Variants in CDK11A observed in about 807,000 individuals in gnomAD.
CDK11A encodes the protein cyclin-dependent kinase 11A.
CDK11A carries 55 observed loss-of-function variants against 83.6 expected under a neutral mutation model. The ratio of observed to expected loss-of-function variants is 0.66; its 90% CI spans 0.53 to 0.82. The LOEUF (loss-of-function observed/expected upper bound fraction) is 0.82. Ranked by LOEUF, CDK11A falls within the 40% of genes least tolerant of loss-of-function variation. The pLI is 0.00. For synonymous variants in CDK11A, 247 were observed against 302.7 expected (o/e 0.82, Z 1.91); for missense variants, 564 against 810.1 (o/e 0.70, Z 3.69).
chr1:1,708,521 C>A (rs140002785), intron 9 of CDK11A, among the ~76,000 whole-genome samples: 1 of 114,770 alleles, frequency 8.7e-6, no homozygotes, highest in East Asian at 2.2e-4. Context: ...CACACCTGTA[C>A]TCCCAGCTAC....
chr1:1,704,480 T>C, intron 14 of CDK11A, 70 bp downstream of exon 14: 1 of 1,557,426 alleles, frequency 6.4e-7, no homozygotes, highest in Non-Finnish European at 8.7e-7. Flanking sequence ...CCTGCAGCAC[T>C]GTCACCGCGG....
chr1:1,704,173 G>C, intron 15 of CDK11A, 27 bp from the exon 16 acceptor site: 1 of 1,607,482 alleles, frequency 6.2e-7, no homozygotes, highest in Non-Finnish European at 8.5e-7. Flanking sequence ...GCGGCTGTGG[G>C]TGGGCCTGGG....
intron 11 of CDK11A, among the ~76,000 whole-genome samples, chr1:1,706,696 G>A (rs1338725523): frequency 6.6e-5 from 10 of 151,352 alleles, no homozygotes; most frequent in Non-Finnish European, 4.4e-5. Flanking sequence ...CCTTGGGGCC[G>A]GTGCCCAGGC....
chr1:1,705,590 C>T (rs1249126363), intron 12 of CDK11A, 52 bp downstream of exon 12: 1 of 476,308 alleles, frequency 2.1e-6, no homozygotes, highest in Admixed American at 3.1e-5. Flanking sequence ...CTCGGGCAGC[C>T]AGCCCCTGCC....
intron 4 of CDK11A, among the ~76,000 whole-genome samples, chr1:1,718,118 C>T (rs36165069): frequency 5.7e-5 from 8 of 139,952 alleles, no homozygotes; most frequent in African/African-American, 5.4e-5. Context: ...TTCTGGTTTT[C>T]GGTCTGTGAC....
chr1:1,717,666 A>G (rs61777464), intron 4 of CDK11A, among the ~76,000 whole-genome samples: 4 of 27,382 alleles, frequency 1.5e-4, no homozygotes, highest in South Asian at 9.8e-4. Context: ...GCTTTCAGCT[A>G]GAGTTTGCTC....
chr1:1,719,765 C>T (rs1375014682), intron 3 of CDK11A, among the ~76,000 whole-genome samples: 10 of 150,476 alleles, frequency 6.6e-5, no homozygotes, highest in African/African-American at 2.2e-4. Context: ...TACAGGCACC[C>T]GCCACCACAC....
At chr1:1,722,309 C>T (rs1644935850) in intron 2 of CDK11A, among the ~76,000 whole-genome samples, 1 of 150,258 alleles carries the variant, frequency 6.7e-6, no homozygotes, top group African/African-American at 2.4e-5. Flanking sequence ...TGCCTCTTAC[C>T]AAATTACTAA....
chr1:1,704,415 C>T (rs1644225182), intron 14 of CDK11A, 71 bp from the exon 15 acceptor site: 5 of 1,581,706 alleles, frequency 3.2e-6, no homozygotes, highest in Non-Finnish European at 4.3e-6. Flanking sequence ...GGCCCGCTCG[C>T]CTCGGCAGCA....
chr1:1,704,288 TGTC>T lies in CDK11A; in HGVS notation c.1618_1620del (p.Asp540del), dbSNP rs757773472. Reference sequence around the variant, plus strand: ...TTGAGGTCACGGTGCAGGATCCAGTTGTCGTGCAGGTGTTTCACCCCCCGCAGC... The same window carrying T: ...TTGAGGTCACGGTGCAGGATCCAGTTGTGCAGGTGTTTCACCCCCCGCAGC... On this transcript the variant is annotated inframe_deletion, in exon 15 of 20. Transcript: ENST00000404249. 9 of 1,607,536 alleles carry T rather than the reference TGTC, an allele frequency of 5.6e-6. No individual in the cohort carries two copies. The highest frequency in any genetic ancestry group is 3.3e-5 in the Admixed American group (2 of 59,708).
chr1:1,704,252 G>A lies in CDK11A; in HGVS notation c.1657C>T (p.Leu553=). Residue 553 remains leucine, a synonymous_variant, in exon 15 of 20, where the codon CTG becomes TTG. Coordinates refer to ENST00000404249, the MANE Select transcript of CDK11A (RefSeq NM_024011.4). The part of the protein sequence containing the change: ...ILHRDLKTSN[L]LLSHAGILKV... ...AGGATGCCGGCGTGGCTCAGCAGCA[G>A]GTTGGACGTCTTGAGGTCACGGTGC... is the stretch of plus-strand genomic sequence containing the variant. The A allele has an allele frequency of 6.2e-7, 1 of 1,608,632 alleles. No homozygotes were observed. Among genetic ancestry groups the A allele is most frequent in the Non-Finnish European group, 8.5e-7 (1 of 1,176,788 alleles).
chr1:1,718,075 G>A (rs113436728), intron 4 of CDK11A, among the ~76,000 whole-genome samples: 3 of 142,744 alleles, frequency 2.1e-5, no homozygotes, highest in South Asian at 2.3e-4. Flanking sequence ...AATGGTCTGT[G>A]ACACACGCAC....
In CDK11A at chr1:1,722,168, T is replaced by G. The variant is rs977398403; in HGVS notation, c.112-457A>C. Among the ~76,000 whole-genome samples the G allele has an allele frequency of 2.7e-5, 4 of 150,502 alleles. 1 individual carries two copies. Among genetic ancestry groups the G allele is most frequent in the Non-Finnish European group, 5.9e-5 (4 of 67,616 alleles). On this transcript the variant is annotated intron_variant, in intron 2 of 19. Coordinates refer to ENST00000404249, the MANE Select transcript of CDK11A (RefSeq NM_024011.4). ...TATTGGAAAAATACTCAAAGCAGAG[T>G]TGCTACAAACCTTTAATTTGGAAAA... is the stretch of plus-strand genomic sequence containing the variant.
chr1:1,707,694 A>AGGTGCT (rs973829434), intron 10 of CDK11A, 110 bp from the exon 11 acceptor site: 1 of 1,096,516 alleles, frequency 9.1e-7, no homozygotes, highest in Admixed American at 2.3e-5. Context: ...TCCCGCTGGG[A>AGGTGCT]GGTGCTGGCG....
intron 2 of CDK11A, 142 bp from the exon 3 acceptor site, chr1:1,721,853 A>G: frequency 8.0e-7 from 1 of 1,244,962 alleles, no homozygotes; most frequent in Non-Finnish European, 1.1e-6. Context: ...AGTGTTATAA[A>G]ATATAAAGAA....
chr1:1,718,908 T>A (rs1644786999), intron 4 of CDK11A, among the ~76,000 whole-genome samples: 1 of 150,108 alleles, frequency 6.7e-6, no homozygotes, highest in African/African-American at 2.5e-5. Context: ...AGTGCTGGGA[T>A]TACAGGCTTG....
chr1:1,707,924 C>T (rs1167648814), intron 10 of CDK11A, among the ~76,000 whole-genome samples: 1 of 137,396 alleles, frequency 7.3e-6, no homozygotes, highest in East Asian at 2.1e-4. Flanking sequence ...CACCATCTGA[C>T]GGGCCTCCCC....
intron 11 of CDK11A, among the ~76,000 whole-genome samples, chr1:1,706,835 G>A (rs1434614163): frequency 4.0e-5 from 6 of 150,276 alleles, no homozygotes; most frequent in Admixed American, 2.0e-4. Context: ...GAACCTCTCC[G>A]CCCACAGGCA....
chr1:1,710,862 T>C (rs1644473261), intron 6 of CDK11A, among the ~76,000 whole-genome samples: 1 of 94,690 alleles, frequency 1.1e-5, no homozygotes, highest in Non-Finnish European at 2.4e-5. Flanking sequence ...AAAGTAAATA[T>C]TCACAACAGA....
Sources: gnomAD v4.1 joint callset for allele counts (sites outside exome capture counted in the v4.1 genomes callset) on GRCh38, gnomAD v4.1.1 for gene constraint, MANE v1.5 for transcripts, NCBI Gene and HGNC (gene_info 2026-07-23, HGNC 2026-07-21) for gene names.